Variants in EYS observed in about 807,000 individuals in gnomAD.
EYS encodes protein eyes shut homolog.
A neutral mutation model predicts 282.1 loss-of-function variants in EYS; 250 were observed. The observed-to-expected ratio is 0.89, with a 90% confidence interval of 0.80 to 0.98. The LOEUF (loss-of-function observed/expected upper bound fraction) is 0.98, where lower values mean the gene tolerates loss of function less well. Ranked by LOEUF, EYS falls within the 50% of genes least tolerant of loss-of-function variation. EYS has a pLI of 0.00. For synonymous variants in EYS, 1,355 were observed against 1,282.9 expected (o/e 1.06, Z -1.20); for missense variants, 4,016 against 3,709.0 (o/e 1.08, Z -2.15).
intron 12 of EYS, among the ~76,000 whole-genome samples, chr6:65,252,126 C>A (rs768721803): frequency 5.9e-5 from 9 of 151,822 alleles, no homozygotes; most frequent in Non-Finnish European, 1.0e-4. Context: ...AAGTGAAGAG[C>A]AGAGTATTAA....
At chr6:65,664,099 T>G (rs929985489) in intron 1 of EYS, among the ~76,000 whole-genome samples, 1 of 152,064 alleles carries the variant, frequency 6.6e-6, no homozygotes, top group Non-Finnish European at 1.5e-5. Flanking sequence ...CTCCATCTCC[T>G]GACCTCGTGA....
intron 31 of EYS, among the ~76,000 whole-genome samples, chr6:64,102,600 TTAC>T (rs1344435861): frequency 1.3e-5 from 2 of 152,152 alleles, no homozygotes; most frequent in Non-Finnish European, 2.9e-5. Context: ...CAAAATCTAA[TTAC>T]TACATCAAGT....
At chr6:64,850,312 A>C (rs1431299835) in intron 19 of EYS, among the ~76,000 whole-genome samples, 1 of 152,116 alleles carries the variant, frequency 6.6e-6, no homozygotes, top group Non-Finnish European at 1.5e-5. Context: ...GATAATATGT[A>C]ATCTCTCATC....
chr6:64,018,759 GTTTTTTTTTT>G (rs1163533009), intron 33 of EYS, among the ~76,000 whole-genome samples: 4 of 53,860 alleles, frequency 7.4e-5, no homozygotes, highest in Admixed American at 2.3e-4. Context: ...CATCACAAGT[GTTTTTTTTTT>G]TTTTTTTTTT....
chr6:64,374,315 G>A (rs1310955473), intron 29 of EYS, among the ~76,000 whole-genome samples: 5 of 152,070 alleles, frequency 3.3e-5, no homozygotes, highest in Admixed American at 3.3e-4. Context: ...GTGCTGGCAG[G>A]CTTTGTGGCC....
At chr6:65,659,060 T>C (rs964276674) in intron 1 of EYS, among the ~76,000 whole-genome samples, 4 of 151,708 alleles carry the variant, frequency 2.6e-5, no homozygotes, top group Non-Finnish European at 5.9e-5. Flanking sequence ...CCTATTGTTT[T>C]TGTAGTTAAT....
At chr6:64,098,237 C>T (rs974919611) in intron 31 of EYS, among the ~76,000 whole-genome samples, 29 of 152,058 alleles carry the variant, frequency 1.9e-4, no homozygotes, top group Middle Eastern at 3.4e-3. Context: ...ATATTTTGTA[C>T]TATAAAATAA....
intron 31 of EYS, among the ~76,000 whole-genome samples, chr6:64,212,116 AAATAAT>A (rs1348484663): frequency 6.6e-6 from 1 of 151,970 alleles, no homozygotes; most frequent in Admixed American, 6.6e-5. Context: ...ACTCTGTCTC[AAATAAT>A]AATAATAATT....
chr6:64,598,330 G>A (rs748180003), intron 24 of EYS, among the ~76,000 whole-genome samples: 1 of 152,142 alleles, frequency 6.6e-6, no homozygotes, highest in Non-Finnish European at 1.5e-5. Flanking sequence ...CCTTGGTGGC[G>A]GGCGTCTGTA....
intron 35 of EYS, among the ~76,000 whole-genome samples, chr6:63,955,863 T>G (rs10944204): frequency 0.3 from 45,167 of 152,020 alleles, 6,815 homozygotes; most frequent in Admixed American, 0.38. Context: ...CTTCCCTTAT[T>G]TGGACTTTGT....
intron 41 of EYS, among the ~76,000 whole-genome samples, chr6:63,758,699 A>C (rs1335445285): frequency 2.7e-4 from 41 of 152,120 alleles, no homozygotes; most frequent in Admixed American, 2.7e-3. Context: ...TGTATACTTT[A>C]AAGATTTTAT....
intron 41 of EYS, among the ~76,000 whole-genome samples, chr6:63,743,768 A>C (rs12190601): frequency 2.6e-5 from 4 of 152,008 alleles, no homozygotes; most frequent in Admixed American, 2.6e-4. Context: ...AAAGAAGAAC[A>C]TTTGAGTATT....
rs1357193888 is a variant in EYS at position 65,544,036 on chromosome 6, GAGAGAGACAA to G, written c.-332-48053_-332-48044del. Among the ~76,000 whole-genome samples the G allele has an allele frequency of 2.2e-3, 328 of 151,406 alleles. 1 individual carries two copies. Among genetic ancestry groups the G allele is most frequent in the African/African-American group, 7.7e-3 (315 of 41,028 alleles). On this transcript the variant is annotated intron_variant, in intron 2 of 42. Coordinates refer to ENST00000503581, the MANE Select transcript of EYS (RefSeq NM_001142800.2). ...TGTGTGTGTGTGTGTGTGTGAGAGA[GAGAGAGACAA>G]AGACAGAGAGAGAGAGAGAAAGAGA...
intron 1 of EYS, among the ~76,000 whole-genome samples, chr6:65,658,721 T>C (rs930211987): frequency 3.3e-5 from 5 of 151,652 alleles, no homozygotes; most frequent in African/African-American, 1.2e-4. Flanking sequence ...GTAACATATA[T>C]GGAATTGAAC....
intron 22 of EYS, among the ~76,000 whole-genome samples, chr6:64,652,055 C>T (rs952514140): frequency 6.6e-6 from 1 of 152,178 alleles, no homozygotes; most frequent in Non-Finnish European, 1.5e-5. Flanking sequence ...TTTGCATTTA[C>T]TTTGAGGGAG....
chr6:65,465,880 G>C lies in EYS; in HGVS notation c.862+24714C>G, dbSNP rs1764980684. ...CCAGCTACTCATGAGGTTGTGGTGGGAGGATCCCTTGAGGCTGGGAAATTG... is the reference window on the plus strand; with the variant it reads ...CCAGCTACTCATGAGGTTGTGGTGGCAGGATCCCTTGAGGCTGGGAAATTG... On this transcript the variant is annotated intron_variant, in intron 5 of 42. Coordinates refer to ENST00000503581, the MANE Select transcript of EYS (RefSeq NM_001142800.2). Among the ~76,000 whole-genome samples, 3 of 152,068 alleles carry C rather than the reference G, an allele frequency of 2.0e-5. No individual in the cohort carries two copies. The South Asian group carries it at 6.2e-4, about 31-fold the overall frequency.
At chr6:64,057,953 T>C (rs904514984) in intron 33 of EYS, among the ~76,000 whole-genome samples, 3 of 152,138 alleles carry the variant, frequency 2.0e-5, no homozygotes, top group South Asian at 4.2e-4. Context: ...CACTGCAGTC[T>C]CCAAAGCAGC....
At chr6:64,000,712 AC>A (rs1202635035) in intron 33 of EYS, among the ~76,000 whole-genome samples, 1 of 152,182 alleles carries the variant, frequency 6.6e-6, no homozygotes, top group Non-Finnish European at 1.5e-5. Flanking sequence ...TAAAGGCGCA[AC>A]TGTGGGCTGG....
At chr6:65,066,995 T>C (rs1455461567) in intron 12 of EYS, among the ~76,000 whole-genome samples, 1 of 152,148 alleles carries the variant, frequency 6.6e-6, no homozygotes, top group East Asian at 1.9e-4. Context: ...CTAATTCTAC[T>C]TCTAATCAGC....
Sources: gnomAD v4.1 joint callset for allele counts (sites outside exome capture counted in the v4.1 genomes callset) on GRCh38, gnomAD v4.1.1 for gene constraint, MANE v1.5 for transcripts, NCBI Gene and HGNC (gene_info 2026-07-23, HGNC 2026-07-21) for gene names.